Variants in VCL observed in about 807,000 individuals in gnomAD.
VCL encodes the protein vinculin.
In VCL, 47 loss-of-function variants were observed where a neutral mutation model predicts 125.7. The observed-to-expected ratio is 0.37, with a 90% CI of 0.30 to 0.48. The LOEUF (loss-of-function observed/expected upper bound fraction) is 0.48. Among genes scored for constraint, VCL ranks in the 20% least tolerant of loss-of-function variants. VCL has a pLI of 0.99. For missense variants in VCL, 1,069 were observed against 1,455.5 expected (o/e 0.73, Z 4.32); for synonymous variants, 458 against 514.6 (o/e 0.89, Z 1.49).
intron 1 of VCL, among the ~76,000 whole-genome samples, chr10:74,023,443 A>C (rs1246660571): frequency 6.6e-6 from 1 of 152,232 alleles, no homozygotes; most frequent in Non-Finnish European, 1.5e-5. Context: ...ATTTCTCAGA[A>C]TATATCCCTG....
chr10:74,029,217 C>A (rs1320386564), intron 1 of VCL, among the ~76,000 whole-genome samples: 1 of 151,854 alleles, frequency 6.6e-6, no homozygotes, highest in Non-Finnish European at 1.5e-5. Context: ...GGGTTCATGC[C>A]ATTCTCCTGC....
chr10:74,108,390 T>C (rs974853609), intron 17 of VCL, among the ~76,000 whole-genome samples: 1 of 152,182 alleles, frequency 6.6e-6, no homozygotes, highest in African/African-American at 2.4e-5. Context: ...ACATCTTCTG[T>C]AGGGACTTTT....
At chr10:74,083,293 A>G (rs1839709037) in intron 7 of VCL, 73 bp from the exon 8 acceptor site, 3 of 1,592,944 alleles carry the variant, frequency 1.9e-6, no homozygotes, top group Non-Finnish European at 2.6e-6. Context: ...GGTGAATGAA[A>G]TGACTTGTAA....
intron 8 of VCL, among the ~76,000 whole-genome samples, chr10:74,086,605 C>G (rs1839779935): frequency 6.6e-6 from 1 of 152,212 alleles, no homozygotes; most frequent in South Asian, 2.1e-4. Flanking sequence ...CCAGTTTTCA[C>G]TTGGAATTCT....
chr10:74,009,481 G>A (rs1036453832), intron 1 of VCL, among the ~76,000 whole-genome samples: 22 of 151,348 alleles, frequency 1.5e-4, no homozygotes, highest in Admixed American at 6.6e-5. Flanking sequence ...GGATGGTCTC[G>A]ATCTGCTGAC....
chr10:74,070,918 T>C, intron 3 of VCL, 57 bp from the exon 4 acceptor site: 1 of 1,611,526 alleles, frequency 6.2e-7, no homozygotes, highest in Non-Finnish European at 8.5e-7. Context: ...ACATCTGTGT[T>C]ACCGTGTTTG....
At chr10:74,052,936 GAAA>G (rs57330455) in intron 2 of VCL, among the ~76,000 whole-genome samples, 3,676 of 142,532 alleles carry the variant, frequency 0.026, 150 homozygotes, top group African/African-American at 0.088. Context: ...TGGCTGTGAT[GAAA>G]AAAAAAAATA....
chr10:74,013,903 TA>T (rs34883617), intron 1 of VCL, among the ~76,000 whole-genome samples: 105,033 of 151,688 alleles, frequency 0.69, 37,111 homozygotes, highest in Middle Eastern at 0.78. Context: ...AGTGTTGATT[TA>T]AAAAAAAAAT....
intron 17 of VCL, 54 bp from the exon 18 acceptor site, chr10:74,108,917 T>G: frequency 6.2e-7 from 1 of 1,606,462 alleles, no homozygotes. Flanking sequence ...AGGAAAGAAT[T>G]CCAGGGGGGA....
chr10:74,022,870 A>G (rs1299655492), intron 1 of VCL, among the ~76,000 whole-genome samples: 1 of 151,810 alleles, frequency 6.6e-6, no homozygotes, highest in African/African-American at 2.4e-5. Flanking sequence ...TAAACTCCTG[A>G]CCCCAGGTGA....
Position 74,104,009 on chromosome 10 carries a change from C to T in VCL, c.2131+81C>T, listed in dbSNP as rs906162844. The T allele has an allele frequency of 1.1e-5, 15 of 1,397,056 alleles. No homozygotes were observed. In the Admixed American group the frequency reaches 1.7e-4, roughly 16 times the overall value. The allele number at this position is 1,397,056 out of a possible 1,614,324, so 86.5% of individuals were successfully genotyped here. ...AATTGGAGCGGGACTGGTTCTGTTACTCAGCTGTAATTGGATAAAGGGCCG... is the reference window on the plus strand; with the variant it reads ...AATTGGAGCGGGACTGGTTCTGTTATTCAGCTGTAATTGGATAAAGGGCCG... On this transcript the variant is annotated intron_variant, in intron 15 of 21. Transcript: ENST00000211998.
At chr10:74,111,634 A>G (rs1343507087) in intron 18 of VCL, among the ~76,000 whole-genome samples, 1 of 151,996 alleles carries the variant, frequency 6.6e-6, no homozygotes, top group African/African-American at 2.4e-5. Flanking sequence ...AATGGATGCC[A>G]CTTGCTTTCT....
In VCL at chr10:74,017,046, C is replaced by CTTTTTTTTTTTTTTT. The variant is rs549275362; in HGVS notation, c.168+18676_168+18690dup. 1.3e-4 allele frequency among the ~76,000 whole-genome samples: 15 copies of CTTTTTTTTTTTTTTT among 113,144 alleles called. 1 individual carries two copies. Among genetic ancestry groups the CTTTTTTTTTTTTTTT allele is most frequent in the African/African-American group, 2.9e-4 (7 of 24,286 alleles). The allele number at this position is 113,144 out of a possible 152,430, so 74.2% of individuals were successfully genotyped here. On this transcript the variant is annotated intron_variant, in intron 1 of 21. Coordinates refer to ENST00000211998, the MANE Select transcript of VCL (RefSeq NM_014000.3). Reference sequence around the variant, plus strand: ...TGTAGCATATGTCAGAATTTCCTTCCTTTTTTTTTTTTTTTTTTTGAGACG... The same window carrying CTTTTTTTTTTTTTTT: ...TGTAGCATATGTCAGAATTTCCTTCCTTTTTTTTTTTTTTTTTTTTTTTTTTTTTTTTTTGAGACG...
At chr10:74,083,300 G>C in intron 7 of VCL, 66 bp from the exon 8 acceptor site, 1 of 1,599,784 alleles carries the variant, frequency 6.3e-7, no homozygotes, top group South Asian at 1.1e-5. Flanking sequence ...GAAATGACTT[G>C]TAAAGTATCC....
chr10:74,066,193 G>A (rs1841567807), intron 2 of VCL, among the ~76,000 whole-genome samples: 1 of 151,848 alleles, frequency 6.6e-6, no homozygotes, highest in Non-Finnish European at 1.5e-5. Context: ...CCGAGTAGCT[G>A]GGATTACAGG....
At chr10:74,002,287 G>A (rs1458122271) in intron 1 of VCL, among the ~76,000 whole-genome samples, 3 of 152,046 alleles carry the variant, frequency 2.0e-5, no homozygotes, top group Non-Finnish European at 4.4e-5. Flanking sequence ...CACCACGCCC[G>A]GCTAATTTTG....
chr10:74,089,950 G>A lies in VCL; in HGVS notation c.1177-73G>A, dbSNP rs990013358. On this transcript the variant is annotated intron_variant, in intron 9 of 21. Transcript: ENST00000211998. ...ATATTACTTTTGAAATCCTTCTTCTGGCCTTGTTAAGTTTAGTAGAAAGGA... is the reference window on the plus strand; with the variant it reads ...ATATTACTTTTGAAATCCTTCTTCTAGCCTTGTTAAGTTTAGTAGAAAGGA... The A allele has an allele frequency of 3.2e-6, 5 of 1,553,138 alleles. No individual in the cohort carries two copies. In the Admixed American group the frequency reaches 8.4e-5, roughly 26 times the overall value.
intron 6 of VCL, among the ~76,000 whole-genome samples, chr10:74,078,865 G>T (rs746771099): frequency 5.9e-5 from 9 of 152,190 alleles, no homozygotes; most frequent in Non-Finnish European, 7.3e-5. Context: ...AATGAGGTTA[G>T]AAAGGGGATG....
intron 7 of VCL, 35 bp from the exon 8 acceptor site, chr10:74,083,331 C>G (rs1212021920): frequency 1.2e-6 from 2 of 1,612,040 alleles, no homozygotes; most frequent in South Asian, 1.1e-5. Context: ...ATGAATGTGT[C>G]AACAATGTAG....
Sources: allele counts gnomAD v4.1 joint callset (sites outside exome capture counted in the v4.1 genomes callset), GRCh38; gene constraint gnomAD v4.1.1; transcripts MANE v1.5; gene names NCBI Gene and HGNC (gene_info 2026-07-23, HGNC 2026-07-21).